Variants in CERS6 observed in about 807,000 individuals in gnomAD.
CERS6 encodes the protein ceramide synthase 6.
Under a neutral mutation model 56.8 loss-of-function variants are expected in CERS6, and 26 were observed. The ratio of observed to expected loss-of-function variants is 0.46; its 90% CI spans 0.34 to 0.63. The LOEUF (loss-of-function observed/expected upper bound fraction) is 0.63, where lower values mean the gene tolerates loss of function less well. Ranked by LOEUF, CERS6 falls within the 30% of genes least tolerant of loss-of-function variation. The probability of loss-of-function intolerance (pLI) is 0.01; values close to 1 mark genes in which losing one functional copy is unlikely to be tolerated. For synonymous variants in CERS6, 164 were observed against 173.3 expected, an observed-to-expected ratio of 0.95 and a Z score of 0.42; for missense variants, 415 against 467.5, an observed-to-expected ratio of 0.89 and a Z score of 1.04.
At chr2:168,754,378 A>T (rs1446965518) in intron 8 of CERS6, among the ~76,000 whole-genome samples, 2 of 152,140 alleles carry the variant, frequency 1.3e-5, no homozygotes, top group African/African-American at 4.8e-5. Context: ...GTTTTCAGAA[A>T]TTTTTTCAGA....
At chr2:168,477,657 A>G (rs1694104060) in intron 1 of CERS6, among the ~76,000 whole-genome samples, 1 of 152,124 alleles carries the variant, frequency 6.6e-6, no homozygotes, top group Admixed American at 6.5e-5. Flanking sequence ...ATTACCTTAA[A>G]TTTCTATTAG....
At chr2:168,510,566 C>T (rs1255570564) in intron 1 of CERS6, among the ~76,000 whole-genome samples, 1 of 152,204 alleles carries the variant, frequency 6.6e-6, no homozygotes, top group Non-Finnish European at 1.5e-5. Flanking sequence ...AATTGCCTGA[C>T]AGTGCATTTC....
At chr2:168,680,433 C>CTA (rs1314516675) in intron 4 of CERS6, among the ~76,000 whole-genome samples, 1 of 152,182 alleles carries the variant, frequency 6.6e-6, no homozygotes, top group African/African-American at 2.4e-5. Flanking sequence ...GGTCCATGAG[C>CTA]TATAGGAAAG....
chr2:168,495,172 C>A (rs1231707253), intron 1 of CERS6, among the ~76,000 whole-genome samples: 1 of 152,170 alleles, frequency 6.6e-6, no homozygotes, highest in African/African-American at 2.4e-5. Context: ...TTGTGATAGT[C>A]TGACTCTCAT....
intron 2 of CERS6, among the ~76,000 whole-genome samples, chr2:168,549,131 G>C (rs1486391331): frequency 6.6e-6 from 1 of 152,016 alleles, no homozygotes; most frequent in Non-Finnish European, 1.5e-5. Flanking sequence ...ACTACTCTAA[G>C]TACATTAAAC....
intron 3 of CERS6, among the ~76,000 whole-genome samples, chr2:168,581,162 G>A (rs543625918): frequency 1.3e-5 from 2 of 152,216 alleles, no homozygotes; most frequent in East Asian, 1.9e-4. Context: ...GGGATTACAG[G>A]TGAGTGCCAC....
At chr2:168,640,408 C>T (rs997891842) in intron 4 of CERS6, among the ~76,000 whole-genome samples, 7 of 152,172 alleles carry the variant, frequency 4.6e-5, no homozygotes, top group Non-Finnish European at 1.0e-4. Flanking sequence ...TCTGTTCATA[C>T]TGGTGGGAGA....
intron 3 of CERS6, among the ~76,000 whole-genome samples, chr2:168,575,763 T>C (rs1037629312): frequency 6.6e-6 from 1 of 152,174 alleles, no homozygotes; most frequent in African/African-American, 2.4e-5. Flanking sequence ...AATCCATTTC[T>C]CTCTGGCTTG....
intron 7 of CERS6, among the ~76,000 whole-genome samples, chr2:168,716,830 A>G (rs1450952972): frequency 6.6e-6 from 1 of 152,200 alleles, no homozygotes; most frequent in Admixed American, 6.5e-5. Context: ...CCCCTTAGGA[A>G]TACATTCCTC....
chr2:168,649,422 T>G (rs528235391), intron 4 of CERS6, among the ~76,000 whole-genome samples: 1 of 152,272 alleles, frequency 6.6e-6, no homozygotes, highest in East Asian at 1.9e-4. Flanking sequence ...AATTCCATGA[T>G]ATTGTATTAC....
intron 1 of CERS6, among the ~76,000 whole-genome samples, chr2:168,499,312 CTA>C (rs775335384): frequency 3.9e-5 from 6 of 152,166 alleles, no homozygotes; most frequent in African/African-American, 1.2e-4. Flanking sequence ...ATGGACTTAT[CTA>C]TATGTTTTTC....
At chr2:168,724,328 T>C (rs568182992) in intron 8 of CERS6, among the ~76,000 whole-genome samples, 21 of 152,212 alleles carry the variant, frequency 1.4e-4, no homozygotes, top group East Asian at 3.9e-4. Context: ...ATAAAAGCAG[T>C]GTGGACCCAA....
At chr2:168,661,521 T>A (rs1160572003) in intron 4 of CERS6, among the ~76,000 whole-genome samples, 1 of 152,242 alleles carries the variant, frequency 6.6e-6, no homozygotes, top group Non-Finnish European at 1.5e-5. Context: ...GAAGACACTT[T>A]ACATTTCTTA....
intron 5 of CERS6, among the ~76,000 whole-genome samples, chr2:168,692,863 G>T (rs74411479): frequency 0.014 from 2,095 of 152,158 alleles, 54 homozygotes; most frequent in African/African-American, 0.048. Flanking sequence ...TTCCAAGTCA[G>T]TCTCTAGCCT....
At chr2:168,674,504 G>A (rs1686004224) in intron 4 of CERS6, among the ~76,000 whole-genome samples, 1 of 152,120 alleles carries the variant, frequency 6.6e-6, no homozygotes, top group Admixed American at 6.5e-5. Context: ...ACATTAATTG[G>A]GTATCGGATA....
intron 4 of CERS6, among the ~76,000 whole-genome samples, chr2:168,669,479 A>G (rs1430366557): frequency 1.3e-5 from 2 of 152,152 alleles, no homozygotes; most frequent in South Asian, 2.1e-4. Context: ...TTGGGGTTCT[A>G]TAATTATGGA....
chr2:168,703,332 G>A (rs1370035544), intron 6 of CERS6, among the ~76,000 whole-genome samples: 5 of 152,100 alleles, frequency 3.3e-5, no homozygotes, highest in Non-Finnish European at 5.9e-5. Flanking sequence ...CGAGGCAGGC[G>A]GATCACTTGA....
In CERS6 at chr2:168,772,787, A is replaced by G. The variant is rs1684900439; in HGVS notation, c.*3125A>G. On this transcript the variant is annotated 3_prime_UTR_variant, in exon 10 of 10. Coordinates refer to ENST00000305747, the MANE Select transcript of CERS6 (RefSeq NM_203463.3). ...TGATTGCTGCTTTACCCCAGGGTTTATTAGCATCCTACTTCTGCTGGGCTG... is the reference window on the plus strand; with the variant it reads ...TGATTGCTGCTTTACCCCAGGGTTTGTTAGCATCCTACTTCTGCTGGGCTG... 6.5e-6 allele frequency: 1 copy of G among 152,678 alleles called. No individual in the cohort carries two copies. The highest frequency in any genetic ancestry group is 2.1e-4 in the South Asian group (1 of 4,828). 9.5% of individuals were successfully genotyped at this position (152,678 alleles called of 1,614,324 possible).
chr2:168,641,867 T>C (rs1303990296), intron 4 of CERS6, among the ~76,000 whole-genome samples: 1 of 149,756 alleles, frequency 6.7e-6, no homozygotes, highest in Non-Finnish European at 1.5e-5. Context: ...TCCAGCCAAA[T>C]AGATGGTTCA....
Sources: gnomAD v4.1 joint callset for allele counts (sites outside exome capture counted in the v4.1 genomes callset) on GRCh38, gnomAD v4.1.1 for gene constraint, MANE v1.5 for transcripts, NCBI Gene and HGNC (gene_info 2026-07-23, HGNC 2026-07-21) for gene names.